SLC38A8: variants seen among roughly 807,000 people sequenced by gnomAD.
SLC38A8 encodes the protein amino acid transporter SLC38A8.
SLC38A8 carries 65 observed loss-of-function variants against 46.0 expected under a neutral mutation model. The ratio of observed to expected loss-of-function variants is 1.41; its 90% CI spans 1.16 to 1.74. The LOEUF is 1.74. Among genes scored for constraint, SLC38A8 ranks in the 40% most tolerant of loss-of-function variants. The pLI is 0.00. For synonymous variants in SLC38A8, 447 were observed against 243.7 expected (o/e 1.83, Z -7.77); for missense variants, 998 against 567.9 (o/e 1.76, Z -7.70).
At chr16:84,010,314 G>T (rs150616609) in intron 10 of SLC38A8, among the ~76,000 whole-genome samples, 2 of 151,742 alleles carry the variant, frequency 1.3e-5, no homozygotes, top group African/African-American at 4.8e-5. Flanking sequence ...CAAGTGATTC[G>T]CCCTCCTCAG....
chr16:84,041,771 G>T (rs766966981), intron 2 of SLC38A8, among the ~76,000 whole-genome samples, 198 bp downstream of exon 2: 1 of 152,150 alleles, frequency 6.6e-6, no homozygotes, highest in Non-Finnish European at 1.5e-5. Flanking sequence ...TGCCACCAGC[G>T]CCCACGGGGG....
chr16:84,032,016 G>C lies in SLC38A8; in HGVS notation c.531-48C>G, dbSNP rs886789123. 9.4e-6 allele frequency: 14 copies of C among 1,494,422 alleles called. No individual in the cohort carries two copies. The African/African-American group carries it at 1.1e-4, about 12-fold the overall frequency. The allele number at this position is 1,494,422 out of a possible 1,614,324, so 92.6% of individuals were successfully genotyped here. A position where few individuals can be genotyped will look rare whatever the true frequency, so the allele number is the denominator to read the frequency against. On this transcript the variant is annotated intron_variant, in intron 4 of 10. Coordinates refer to ENST00000299709, the MANE Select transcript of SLC38A8 (RefSeq NM_001080442.3). ...GGCTGCGCAGTGGGTGACATGTGCG[G>C]TTGATGCACGGGGACAGTAGTGGGA... is the stretch of plus-strand genomic sequence containing the variant.
At position 84,016,657 on chromosome 16, in the gene SLC38A8, A is replaced by G; in HGVS notation, c.1024T>C (p.Ser342Pro). ...GWGPSALADP[S>P]GLWVRMPLTI... Reference sequence around the variant, plus strand: ...AGCGGCATCCGGACCCACAGCCCTGAGGGGTCGGCCAGGGCGCTGGGCCCC... The same window carrying G: ...AGCGGCATCCGGACCCACAGCCCTGGGGGGTCGGCCAGGGCGCTGGGCCCC... The change falls in exon 9 of 11, where the codon TCA becomes CCA. Residue 342 changes from serine (S) to proline (P), a missense_variant. Coordinates refer to ENST00000299709, the MANE Select transcript of SLC38A8 (RefSeq NM_001080442.3). 6.2e-7 allele frequency: 1 copy of G among 1,613,788 alleles called. No individual in the cohort carries two copies. Among genetic ancestry groups the G allele is most frequent in the Non-Finnish European group, 8.5e-7 (1 of 1,180,022 alleles).
At chr16:84,024,160 G>A (rs1597261492) in intron 6 of SLC38A8, among the ~76,000 whole-genome samples, 1 of 152,138 alleles carries the variant, frequency 6.6e-6, no homozygotes, top group Admixed American at 6.5e-5. Context: ...AATGTTCCCT[G>A]GGGGTATAAC....
intron 2 of SLC38A8, among the ~76,000 whole-genome samples, chr16:84,039,329 G>T (rs2085341027): frequency 6.6e-6 from 1 of 152,172 alleles, no homozygotes; most frequent in African/African-American, 2.4e-5. Context: ...AATATTGAGG[G>T]ATTTCTCCAA....
intron 5 of SLC38A8, 49 bp from the exon 6 acceptor site, chr16:84,029,600 A>T (rs2085213919): frequency 1.9e-6 from 3 of 1,580,754 alleles, no homozygotes; most frequent in East Asian, 4.5e-5. Context: ...TCACACCCGG[A>T]ACAACCTGCG....
At chr16:84,035,243 C>T (rs1225459171) in intron 3 of SLC38A8, among the ~76,000 whole-genome samples, 2 of 152,164 alleles carry the variant, frequency 1.3e-5, no homozygotes, top group African/African-American at 4.8e-5. Context: ...TGTGGGGGAG[C>T]AGGACGTTTT....
rs150474613 is a variant in SLC38A8, at chr16:84,037,629, C to T, written c.190-729G>A. Among the ~76,000 whole-genome samples, 418 of 152,034 alleles carry T rather than the reference C, an allele frequency of 2.7e-3. 2 individuals carry two copies. Among genetic ancestry groups the T allele is most frequent in the African/African-American group, 9.6e-3 (400 of 41,462 alleles). On this transcript the variant is annotated intron_variant, in intron 2 of 10. Transcript: ENST00000299709. ...TACAAAAATTAGCCAAGCATGGTGG[C>T]AGATGCCTGTAGTCCCAGCTACTCA...
chr16:84,010,222 G>A (rs2084938121), intron 10 of SLC38A8, among the ~76,000 whole-genome samples: 2 of 151,378 alleles, frequency 1.3e-5, no homozygotes, highest in East Asian at 1.9e-4. Context: ...AGACACACAC[G>A]ATGACACGAG....
intron 6 of SLC38A8, among the ~76,000 whole-genome samples, chr16:84,028,652 A>C (rs1273526462): frequency 1.3e-5 from 2 of 150,960 alleles, no homozygotes; most frequent in Non-Finnish European, 2.9e-5. Flanking sequence ...GACAGCCCAG[A>C]AGCAGAGGAC....
chr16:84,040,794 C>T (rs2085358780), intron 2 of SLC38A8, among the ~76,000 whole-genome samples: 1 of 152,232 alleles, frequency 6.6e-6, no homozygotes, highest in South Asian at 2.1e-4. Flanking sequence ...CATGACCCTC[C>T]CGGCATGATC....
At chr16:84,030,064 G>C (rs369837651) in intron 5 of SLC38A8, among the ~76,000 whole-genome samples, 1 of 152,214 alleles carries the variant, frequency 6.6e-6, no homozygotes, top group South Asian at 2.1e-4. Flanking sequence ...CTGAAAGTAA[G>C]ATGAAGTCAT....
intron 10 of SLC38A8, among the ~76,000 whole-genome samples, chr16:84,011,268 A>G (rs1428918838): frequency 2.0e-5 from 3 of 152,226 alleles, no homozygotes; most frequent in Non-Finnish European, 4.4e-5. Context: ...CTCATCAGTA[A>G]AAACTGTTGT....
At chr16:84,017,349 C>A (rs1198211990) in intron 7 of SLC38A8, 62 bp from the exon 8 acceptor site, 1 of 1,585,008 alleles carries the variant, frequency 6.3e-7, no homozygotes, top group Non-Finnish European at 8.6e-7. Flanking sequence ...CCCTCCCCCA[C>A]CAACAGACAG....
rs376096200 is a variant in SLC38A8 at position 84,017,139 on chromosome 16, C to A, written c.953+1G>T. 4 of 1,614,000 alleles carry A rather than the reference C, an allele frequency of 2.5e-6. No individual in the cohort carries two copies. The highest frequency in any genetic ancestry group is 8.5e-7 in the Non-Finnish European group (1 of 1,179,986). On this transcript the variant is annotated splice_donor_variant, in intron 8 of 10. Transcript: ENST00000299709. LOFTEE classifies it high-confidence loss of function. The stretch of plus-strand genomic sequence containing the variant: ...GTGCCCCCCACTGAGCCAGGCCTCA[C>A]CTCCCCAGGAAGAGCACGATGGGGT...
intron 9 of SLC38A8, among the ~76,000 whole-genome samples, chr16:84,015,407 G>C (rs1444349983): frequency 6.6e-6 from 1 of 152,074 alleles, no homozygotes; most frequent in Non-Finnish European, 1.5e-5. Context: ...AGGGCCTGGA[G>C]GCAGGAGGGA....
In SLC38A8 at chr16:84,036,757, G is replaced by C. The variant is rs961046431; in HGVS notation, c.333C>G (p.Asn111Lys). 4 of 1,614,218 alleles carry C rather than the reference G, an allele frequency of 2.5e-6. No individual in the cohort carries two copies. The highest frequency in any genetic ancestry group is 3.4e-6 in the Non-Finnish European group (4 of 1,180,050). The change falls in exon 3 of 11, where the codon AAC becomes AAG. Residue 111 changes from asparagine to lysine, a missense_variant. Coordinates refer to ENST00000299709, the MANE Select transcript of SLC38A8 (RefSeq NM_001080442.3). Reference sequence around the variant, plus strand: ...GGAAGGCCACGGAGATCATGAGCAGGTTGAGGAGGAAGCAGGCCTCACACA... The same window carrying C: ...GGAAGGCCACGGAGATCATGAGCAGCTTGAGGAGGAAGCAGGCCTCACACA... The part of the protein sequence containing the change: ...GKLCEACFLL[N>K]LLMISVAFLR...
chr16:84,010,873 C>T (rs1224191846), intron 10 of SLC38A8, among the ~76,000 whole-genome samples: 1 of 152,154 alleles, frequency 6.6e-6, no homozygotes, highest in African/African-American at 2.4e-5. Context: ...CTAAGTCACA[C>T]ACGATCTCAG....
Position 84,033,449 on chromosome 16 carries a change from C to G in SLC38A8, c.409G>C (p.Gly137Arg), listed in dbSNP as rs578151580. The change falls in exon 4 of 11, where the codon GGC (glycine) becomes CGC (arginine). Residue 137 changes from glycine (G) to arginine (R), a missense_variant. Physicochemically the swap from Gly to Arg is moderately radical, Grantham distance 125. Transcript: ENST00000299709. ...LEKLCDSLLS[G>R]TPPAPQPWYA... ...CACGGCTGCGGGGCGGGCGGGGTGC[C>G]AGACAGGAGGGAGTCACACACTGCC... 9 of 1,608,522 alleles carry G rather than the reference C, an allele frequency of 5.6e-6. No homozygotes were observed. The highest frequency in any genetic ancestry group is 7.6e-6 in the Non-Finnish European group (9 of 1,177,696).
Sources: allele counts gnomAD v4.1 joint callset (sites outside exome capture counted in the v4.1 genomes callset), GRCh38; gene constraint gnomAD v4.1.1; transcripts MANE v1.5; gene names NCBI Gene and HGNC (gene_info 2026-07-23, HGNC 2026-07-21).